The following CCT6A variants were observed in gnomAD, a reference collection of about 807,000 sequenced individuals.
CCT6A encodes T-complex protein 1 subunit zeta.
Under a neutral mutation model 58.6 loss-of-function variants are expected in CCT6A, and 6 were observed. The observed-to-expected ratio is 0.10, with a 90% CI of 0.06 to 0.20. The LOEUF is 0.20. Among genes scored for constraint, CCT6A ranks in the 10% least tolerant of loss-of-function variants. The pLI, the probability that CCT6A is intolerant of heterozygous loss-of-function variation, is 1.00. For synonymous variants in CCT6A, 245 were observed against 227.8 expected (o/e 1.08, Z -0.68); for missense variants, 516 against 648.8 (o/e 0.80, Z 2.22).
intron 10 of CCT6A, 169 bp downstream of exon 10, chr7:56,060,585 T>C (rs572517611): frequency 1.1e-6 from 1 of 937,888 alleles, no homozygotes; most frequent in Admixed American, 1.7e-5. Flanking sequence ...CATATCATTA[T>C]TAAAGGTGAA....
At chr7:56,053,071 A>G (rs545334658) in intron 2 of CCT6A, among the ~76,000 whole-genome samples, 84 of 152,180 alleles carry the variant, frequency 5.5e-4, no homozygotes, top group African/African-American at 2.0e-3. Context: ...TGGGATTACC[A>G]GGCCCGTGCC....
chr7:56,057,934 T>C, intron 5 of CCT6A, 59 bp from the exon 6 acceptor site: 3 of 898,724 alleles, frequency 3.3e-6, no homozygotes, highest in Non-Finnish European at 5.6e-6. Flanking sequence ...TTTCAGTGTT[T>C]AATATATTAA....
At position 56,058,652 on chromosome 7, in the gene CCT6A, A is replaced by T. The variant is rs2117343477; in HGVS notation, c.918A>T (p.Ser306=). The change falls in exon 8 of 14, where the codon TCA becomes TCT. Residue 306 remains serine, a synonymous_variant. Transcript: ENST00000275603. The part of the protein sequence containing the change: ...GIDPFSLDAL[S]KEGIVALRRA... ...ACCCCTTTTCCTTAGATGCTCTTTC[A>T]AAAGAAGGCATAGTTGCTCTGCGCA... 1 of 1,607,514 alleles carries T rather than the reference A, an allele frequency of 6.2e-7. No homozygotes were observed. The highest frequency in any genetic ancestry group is 2.2e-5 in the East Asian group (1 of 44,788).
intron 8 of CCT6A, 67 bp downstream of exon 8, chr7:56,058,769 T>A: frequency 9.7e-7 from 1 of 1,031,606 alleles, no homozygotes; most frequent in East Asian, 2.4e-5. Context: ...TTCCTTATAC[T>A]TTATTTTTGG....
chr7:56,052,465 A>G lies in CCT6A; in HGVS notation c.181A>G (p.Asn61Asp), dbSNP rs1385976961. ...AGDIKLTKDG[N>D]VLLHEMQIQH... is the part of the protein sequence containing the mutation. ...AGACATCAAACTTACTAAAGACGGCAATGTGCTGCTTCACGAAATGGTGAG... is the reference window on the plus strand; with the variant it reads ...AGACATCAAACTTACTAAAGACGGCGATGTGCTGCTTCACGAAATGGTGAG... Residue 61 changes from asparagine to aspartate, a missense_variant, in exon 2 of 14, where the codon AAT (asparagine) becomes GAT (aspartate). This residue lies in a region of CCT6A where 116 missense variants were observed against 184.5 expected (regional missense o/e 0.63). Transcript: ENST00000275603. 2 of 1,613,882 alleles carry G rather than the reference A, an allele frequency of 1.2e-6. No homozygotes were observed. Among genetic ancestry groups the G allele is most frequent in the Admixed American group, 3.3e-5 (2 of 59,994 alleles).
Position 56,052,332 on chromosome 7 carries a change from C to T in CCT6A, c.138-90C>T, listed in dbSNP as rs572863220. 86 of 1,165,720 alleles carry T rather than the reference C, an allele frequency of 7.4e-5. 1 individual carries two copies. The African/African-American group carries it at 1.1e-3, about 15-fold the overall frequency. 72.2% of individuals were successfully genotyped at this position (1,165,720 alleles called of 1,614,324 possible). ...ATAACTAGCCCCACATCCCTGGCTC[C>T]CTAAAATCTGGGAAAAGCCCGTTTT... On this transcript the variant is annotated intron_variant, in intron 1 of 13. Transcript: ENST00000275603.
intron 9 of CCT6A, 34 bp from the exon 10 acceptor site, chr7:56,060,235 C>A (rs536595674): frequency 6.3e-7 from 1 of 1,595,434 alleles, no homozygotes; most frequent in Admixed American, 1.7e-5. Context: ...TGCACAAATC[C>A]TGTTTTTGAA....
At chr7:56,054,281 C>CT (rs1376449703) in intron 2 of CCT6A, 88 bp from the exon 3 acceptor site, 1 of 1,149,476 alleles carries the variant, frequency 8.7e-7, no homozygotes, top group African/African-American at 1.5e-5. Context: ...GTAGATAGCA[C>CT]TCAAAGAGGC....
chr7:56,063,186 A>G lies in CCT6A; in HGVS notation c.*101A>G, dbSNP rs1248306433. 4.8e-6 allele frequency: 4 copies of G among 829,600 alleles called. No homozygotes were observed. The East Asian group carries it at 7.3e-5, about 15-fold the overall frequency. The allele number at this position is 829,600 out of a possible 1,614,324, so 51.4% of individuals were successfully genotyped here. ...CAAGCTTCAAATAATTTTGAAAGAAATTTTCCCATATGAAAAAAGGAGAGA... is the reference window on the plus strand; with the variant it reads ...CAAGCTTCAAATAATTTTGAAAGAAGTTTTCCCATATGAAAAAAGGAGAGA... On this transcript the variant is annotated 3_prime_UTR_variant, in exon 14 of 14. Coordinates refer to ENST00000275603, the MANE Select transcript of CCT6A (RefSeq NM_001762.4).
rs1794261712 is a variant in CCT6A, at chr7:56,054,426, A to G, written c.259A>G (p.Ile87Val). The change falls in exon 3 of 14, where the codon ATA becomes GTA. Residue 87 changes from isoleucine to valine, a missense_variant. By Grantham distance (29) the Ile-to-Val change is conservative. This residue lies in a region of CCT6A where 116 missense variants were observed against 184.5 expected (regional missense o/e 0.63). Transcript: ENST00000275603. ...IAKVATAQDD[I>V]TGDGTTSNVL... ...AAAGGTAGCAACAGCCCAGGATGAT[A>G]TAACTGGTGATGGTACGACTTCTAA... The G allele has an allele frequency of 1.9e-6, 3 of 1,611,048 alleles. No homozygotes were observed. Among genetic ancestry groups the G allele is most frequent in the East Asian group, 2.2e-5 (1 of 44,880 alleles).
At chr7:56,061,632 C>T (rs1158709855) in intron 11 of CCT6A, 115 bp from the exon 12 acceptor site, 9 of 604,058 alleles carry the variant, frequency 1.5e-5, no homozygotes, top group South Asian at 7.8e-5. Context: ...CAGGCGTGAG[C>T]CACTGCACCA....
chr7:56,057,902 G>T (rs774396505), intron 5 of CCT6A, 91 bp from the exon 6 acceptor site: 1 of 747,680 alleles, frequency 1.3e-6, no homozygotes, highest in Non-Finnish European at 2.4e-6. Flanking sequence ...ATGTGACTGC[G>T]TGAAATATCA....
rs764114116 is a variant in CCT6A, at chr7:56,063,054, T to C, written c.1565T>C (p.Met522Thr). 5 of 1,612,950 alleles carry C rather than the reference T, an allele frequency of 3.1e-6. No individual in the cohort carries two copies. The highest frequency in any genetic ancestry group is 1.3e-5 in the African/African-American group (1 of 75,034). Residue 522 changes from methionine to threonine, a missense_variant, in exon 14 of 14, where the codon ATG becomes ACG. Physicochemically the swap from Met to Thr is moderately conservative, Grantham distance 81. Transcript: ENST00000275603. ...AACATTCTCTTGGTTGATGAGATCA[T>C]GCGAGCTGGAATGTCTTCTCTGAAA... ...ATNILLVDEI[M>T]RAGMSSLKG is the part of the protein sequence containing the mutation.
At chr7:56,060,045 A>G (rs1315392206) in intron 9 of CCT6A, 1 of 538,130 alleles carries the variant, frequency 1.9e-6, no homozygotes, top group Non-Finnish European at 3.3e-6. Context: ...TCAGGATCAG[A>G]TTTTTGTTTA....
chr7:56,058,544 TAA>T (rs746894303), intron 7 of CCT6A, 23 bp downstream of exon 7: 1 of 1,578,786 alleles, frequency 6.3e-7, no homozygotes, highest in Admixed American at 1.8e-5. Context: ...ACTCAATGTA[TAA>T]ACTAAATAGT....
At chr7:56,054,099 G>T (rs1209680562) in intron 2 of CCT6A, among the ~76,000 whole-genome samples, 1 of 152,214 alleles carries the variant, frequency 6.6e-6, no homozygotes, top group Non-Finnish European at 1.5e-5. Context: ...ACTGTTAACT[G>T]GTAGCTCTGT....
At position 56,063,479 on chromosome 7, in the gene CCT6A, ATT is replaced by A. The variant is rs1794522171; in HGVS notation, c.*398_*399del. 5.4e-6 allele frequency: 1 copy of A among 185,800 alleles called. No individual in the cohort carries two copies. Among genetic ancestry groups the A allele is most frequent in the South Asian group, 9.9e-5 (1 of 10,128 alleles). The allele number at this position is 185,800 out of a possible 1,614,324, so 11.5% of individuals were successfully genotyped here. On this transcript the variant is annotated 3_prime_UTR_variant, in exon 14 of 14. Transcript: ENST00000275603. ...CTATTGTTAAGCATTTGGTTTTAAA[ATT>A]TTTATGCTAATATAAATGCTCAAGT...
intron 10 of CCT6A, 50 bp from the exon 11 acceptor site, chr7:56,060,757 A>T (rs761159908): frequency 6.4e-7 from 1 of 1,573,800 alleles, no homozygotes; most frequent in Non-Finnish European, 8.6e-7. Context: ...TGTTATTCAT[A>T]ATTAGTTCTG....
Position 56,063,258 on chromosome 7 carries a change from T to A in CCT6A, c.*173T>A, listed in dbSNP as rs1000975607. 1.8e-5 allele frequency: 11 copies of A among 609,904 alleles called. No individual in the cohort carries two copies. The highest frequency in any genetic ancestry group is 1.1e-4 in the African/African-American group (6 of 54,044). The allele number at this position is 609,904 out of a possible 1,614,324, so 37.8% of individuals were successfully genotyped here. A position where few individuals can be genotyped will look rare whatever the true frequency, so the allele number is the denominator to read the frequency against. Reference sequence around the variant, plus strand: ...TGGAAGTTCTGAAATTATAGTATTTTTAAAAATTGCACTGAAGTGTATACA... The same window carrying A: ...TGGAAGTTCTGAAATTATAGTATTTATAAAAATTGCACTGAAGTGTATACA... On this transcript the variant is annotated 3_prime_UTR_variant, in exon 14 of 14. Coordinates refer to ENST00000275603, the MANE Select transcript of CCT6A (RefSeq NM_001762.4).
Sources: allele counts gnomAD v4.1 joint callset (sites outside exome capture counted in the v4.1 genomes callset), GRCh38; gene constraint gnomAD v4.1.1; regional missense constraint gnomAD v4.1.1; transcripts MANE v1.5; gene names NCBI Gene and HGNC (gene_info 2026-07-23, HGNC 2026-07-21).